Variants in GUCY1A2 observed in about 807,000 individuals in gnomAD.
The protein encoded by GUCY1A2 is guanylate cyclase soluble subunit alpha-2.
In GUCY1A2, 27 loss-of-function variants were observed where a neutral mutation model predicts 63.5. The observed-to-expected ratio is 0.43, with a 90% CI of 0.31 to 0.59. The LOEUF is 0.59. Among genes scored for constraint, GUCY1A2 ranks in the 20% least tolerant of loss-of-function variants. GUCY1A2 has a pLI of 0.11. For synonymous variants in GUCY1A2, 364 were observed against 343.5 expected (o/e 1.06, Z -0.66); for missense variants, 768 against 913.3 (o/e 0.84, Z 2.05).
chr11:106,955,870 G>A (rs1029494122), intron 3 of GUCY1A2, among the ~76,000 whole-genome samples: 11 of 152,114 alleles, frequency 7.2e-5, no homozygotes, highest in African/African-American at 2.7e-4. Context: ...AAGTTCTCCT[G>A]GATAATATTC....
At chr11:106,940,817 T>G (rs1860742805) in intron 3 of GUCY1A2, among the ~76,000 whole-genome samples, 1 of 152,196 alleles carries the variant, frequency 6.6e-6, no homozygotes, top group Admixed American at 6.6e-5. Flanking sequence ...GTAGTTATCA[T>G]AAATAATATA....
chr11:106,870,463 T>C (rs887733481), intron 4 of GUCY1A2, among the ~76,000 whole-genome samples: 4 of 152,140 alleles, frequency 2.6e-5, no homozygotes, highest in South Asian at 2.1e-4. Flanking sequence ...GGTTTGAACA[T>C]AACCAATTAA....
chr11:106,724,175 C>G (rs1262297674), intron 6 of GUCY1A2, among the ~76,000 whole-genome samples: 1 of 152,182 alleles, frequency 6.6e-6, no homozygotes, highest in Non-Finnish European at 1.5e-5. Flanking sequence ...ACACCAGGAA[C>G]CAGTAACACA....
intron 4 of GUCY1A2, among the ~76,000 whole-genome samples, chr11:106,874,482 T>C (rs1241624992): frequency 1.3e-5 from 2 of 152,116 alleles, no homozygotes; most frequent in Admixed American, 1.3e-4. Flanking sequence ...CAAAGCAGAG[T>C]TGTTCTGAAT....
At chr11:106,700,836 A>G (rs1375885624) in intron 7 of GUCY1A2, among the ~76,000 whole-genome samples, 1 of 152,030 alleles carries the variant, frequency 6.6e-6, no homozygotes, top group Non-Finnish European at 1.5e-5. Flanking sequence ...ACTACTAGAT[A>G]AGAATTTCTT....
At chr11:106,990,650 A>G (rs565430295) in intron 1 of GUCY1A2, among the ~76,000 whole-genome samples, 1 of 152,362 alleles carries the variant, frequency 6.6e-6, no homozygotes, top group African/African-American at 2.4e-5. Context: ...AAATACATGT[A>G]TGTCTCAATT....
At chr11:106,693,048 G>A (rs746240697) in intron 7 of GUCY1A2, among the ~76,000 whole-genome samples, 8 of 152,278 alleles carry the variant, frequency 5.3e-5, no homozygotes, top group Admixed American at 1.3e-4. Context: ...AGCTATAAGA[G>A]AGTGACATTC....
intron 5 of GUCY1A2, among the ~76,000 whole-genome samples, chr11:106,805,838 T>A (rs1858676417): frequency 6.6e-6 from 1 of 152,196 alleles, no homozygotes. Context: ...TTTGTTTCTA[T>A]CATTTGATCT....
At chr11:106,776,156 C>T (rs1267230295) in intron 6 of GUCY1A2, among the ~76,000 whole-genome samples, 3 of 152,098 alleles carry the variant, frequency 2.0e-5, no homozygotes, top group African/African-American at 4.8e-5. Flanking sequence ...GCTTGGATTT[C>T]GTGACCTGGT....
intron 6 of GUCY1A2, among the ~76,000 whole-genome samples, chr11:106,735,736 T>A (rs1022538661): frequency 1.3e-5 from 2 of 152,142 alleles, no homozygotes; most frequent in Admixed American, 1.3e-4. Context: ...CTGTACTAAT[T>A]TATTTTCCCA....
At position 106,720,858 on chromosome 11, in the gene GUCY1A2, A is replaced by C. The variant is rs1026047547; in HGVS notation, c.1837-12192T>G. On this transcript the variant is annotated intron_variant, in intron 6 of 7. Transcript: ENST00000526355. The stretch of plus-strand genomic sequence containing the variant: ...AAAATATGAATAAATTGTAGACTTT[A>C]GCTAATAATAATGTATTGATACTGG... Among the ~76,000 whole-genome samples, 46 of 152,312 alleles carry C rather than the reference A, an allele frequency of 3.0e-4. 1 individual carries two copies. The highest frequency in any genetic ancestry group is 1.1e-3 in the African/African-American group (45 of 41,560).
intron 5 of GUCY1A2, among the ~76,000 whole-genome samples, chr11:106,799,036 C>T (rs1864820553): frequency 1.3e-5 from 2 of 152,278 alleles, no homozygotes; most frequent in East Asian, 1.9e-4. Flanking sequence ...CCCCAAATCT[C>T]CTTAAGCTGA....
At chr11:106,869,220 AC>A (rs1231576664) in intron 4 of GUCY1A2, among the ~76,000 whole-genome samples, 7 of 152,066 alleles carry the variant, frequency 4.6e-5, no homozygotes, top group Admixed American at 2.0e-4. Flanking sequence ...TGTCTAAAAC[AC>A]CAAAAGCAAT....
chr11:106,775,685 T>TG lies in GUCY1A2; in HGVS notation c.1836+753dup, dbSNP rs1246162776. Reference sequence around the variant, plus strand: ...GGTACTCATATTTTTAGCCATTTCCTGTGCCCGCCCCCCCGCCCCCGTGTT... The same window carrying TG: ...GGTACTCATATTTTTAGCCATTTCCTGGTGCCCGCCCCCCCGCCCCCGTGTT... On this transcript the variant is annotated intron_variant, in intron 6 of 7. Coordinates refer to ENST00000526355, the MANE Select transcript of GUCY1A2 (RefSeq NM_000855.3). Among the ~76,000 whole-genome samples, 3 of 150,492 alleles carry TG rather than the reference T, an allele frequency of 2.0e-5. No individual in the cohort carries two copies. The East Asian group carries it at 5.9e-4, about 30-fold the overall frequency.
At chr11:106,820,758 G>A (rs1858891073) in intron 4 of GUCY1A2, among the ~76,000 whole-genome samples, 1 of 152,128 alleles carries the variant, frequency 6.6e-6, no homozygotes, top group African/African-American at 2.4e-5. Flanking sequence ...TTTTACTGAA[G>A]TGAACCATAG....
At chr11:106,937,457 A>G (rs916903945) in intron 4 of GUCY1A2, among the ~76,000 whole-genome samples, 1 of 152,220 alleles carries the variant, frequency 6.6e-6, no homozygotes, top group Non-Finnish European at 1.5e-5. Context: ...TAAAATATAT[A>G]AAGCAACAAC....
intron 6 of GUCY1A2, among the ~76,000 whole-genome samples, chr11:106,768,731 A>G (rs78068071): frequency 0.023 from 3,553 of 152,262 alleles, 138 homozygotes; most frequent in African/African-American, 0.081. Context: ...GGCAGAAGAT[A>G]AACCTGAGAA....
chr11:106,982,281 C>A (rs1270169643), intron 2 of GUCY1A2, among the ~76,000 whole-genome samples: 1 of 152,132 alleles, frequency 6.6e-6, no homozygotes, highest in Non-Finnish European at 1.5e-5. Context: ...TATAAACAGA[C>A]ATTCCTCTAT....
intron 7 of GUCY1A2, among the ~76,000 whole-genome samples, chr11:106,707,125 C>T (rs10890566): frequency 0.35 from 52,555 of 151,536 alleles, 9,983 homozygotes; most frequent in East Asian, 0.65. Context: ...ATCAAGGTAT[C>T]CACTACTTTA....
Sources: gnomAD v4.1 joint callset for allele counts (sites outside exome capture counted in the v4.1 genomes callset) on GRCh38, gnomAD v4.1.1 for gene constraint, MANE v1.5 for transcripts, NCBI Gene and HGNC (gene_info 2026-07-23, HGNC 2026-07-21) for gene names.